FBXW7: variants seen among roughly 807,000 people sequenced by gnomAD.
The protein encoded by FBXW7 is F-box/WD repeat-containing protein 7.
In FBXW7, 11 loss-of-function variants were observed where a neutral mutation model predicts 86.3. The ratio of observed to expected loss-of-function variants is 0.13; its 90% confidence interval spans 0.08 to 0.21. The LOEUF is 0.21. FBXW7 is among the 10% of genes least tolerant of loss of function. The probability of loss-of-function intolerance (pLI) is 1.00; values close to 1 mark genes in which losing one functional copy is unlikely to be tolerated. For synonymous variants in FBXW7, 313 were observed against 297.9 expected (o/e 1.05, Z -0.52); for missense variants, 488 against 847.4 (o/e 0.58, Z 5.27).
intron 4 of FBXW7, among the ~76,000 whole-genome samples, chr4:152,400,343 A>G (rs1359911571): frequency 3.3e-5 from 5 of 152,182 alleles, no homozygotes; most frequent in Non-Finnish European, 7.4e-5. Flanking sequence ...AGAAGATAAC[A>G]TAAGAGAAAA....
At chr4:152,407,422 T>C (rs906686551) in intron 4 of FBXW7, among the ~76,000 whole-genome samples, 4 of 152,170 alleles carry the variant, frequency 2.6e-5, no homozygotes, top group African/African-American at 9.7e-5. Context: ...CAAACAGACT[T>C]TGAACTTAAG....
intron 2 of FBXW7, among the ~76,000 whole-genome samples, chr4:152,475,117 T>C (rs1744278945): frequency 6.7e-6 from 1 of 148,972 alleles, no homozygotes; most frequent in Non-Finnish European, 1.5e-5. Flanking sequence ...TAAATATATG[T>C]ATATTTATTT....
chr4:152,517,025 T>C (rs1214683990), intron 2 of FBXW7, among the ~76,000 whole-genome samples: 1 of 152,176 alleles, frequency 6.6e-6, no homozygotes, highest in Non-Finnish European at 1.5e-5. Context: ...GGTTTCGCCA[T>C]GTTGTCCAGC....
chr4:152,426,854 T>C lies in FBXW7; in HGVS notation c.-119-14325A>G, dbSNP rs186882712. ...GGAGTGAAATAAAAACCGCACAGAA[T>C]AGAGACGAAGGAAAGAGAAGGGCCA... is the stretch of plus-strand genomic sequence containing the variant. On this transcript the variant is annotated intron_variant, in intron 2 of 13. Transcript: ENST00000281708. Among the ~76,000 whole-genome samples, 16 of 152,184 alleles carry C rather than the reference T, an allele frequency of 1.1e-4. No homozygotes were observed. The East Asian group carries it at 3.1e-3, about 29-fold the overall frequency.
At chr4:152,520,883 C>T (rs1748951657) in intron 2 of FBXW7, among the ~76,000 whole-genome samples, 1 of 152,180 alleles carries the variant, frequency 6.6e-6, no homozygotes, top group Non-Finnish European at 1.5e-5. Context: ...GAAAAAAGTT[C>T]ACATGAAAAT....
chr4:152,352,829 A>T, intron 4 of FBXW7: 1 of 1,538,540 alleles, frequency 6.5e-7, no homozygotes, highest in Non-Finnish European at 8.7e-7. Flanking sequence ...CCTTGACTGA[A>T]CAGATTCCTC....
rs1475767263 is a variant in FBXW7, at chr4:152,325,924, A to G, written c.1644+82T>C. The G allele has an allele frequency of 4.3e-6, 5 of 1,151,038 alleles. No homozygotes were observed. In the African/African-American group the frequency reaches 4.6e-5, roughly 11 times the overall value. 71.3% of individuals were successfully genotyped at this position (1,151,038 alleles called of 1,614,324 possible). A position where few individuals can be genotyped will look rare whatever the true frequency, so the allele number is the denominator to read the frequency against. On this transcript the variant is annotated intron_variant, in intron 12 of 13. Transcript: ENST00000281708. ...AATCTTTTTTGGACTGTACTGGATC[A>G]GCAATTTGACAGTGATTATCTGAGT...
chr4:152,446,484 T>A (rs538625669), intron 2 of FBXW7, among the ~76,000 whole-genome samples: 1 of 152,184 alleles, frequency 6.6e-6, no homozygotes, highest in Non-Finnish European at 1.5e-5. Flanking sequence ...TAATGGACAT[T>A]TTAAGAGCAT....
intron 2 of FBXW7, among the ~76,000 whole-genome samples, chr4:152,472,240 A>C (rs1263427606): frequency 2.0e-5 from 3 of 152,214 alleles, no homozygotes; most frequent in Admixed American, 6.5e-5. Flanking sequence ...AACTGTTCGG[A>C]AGTGTCTACT....
At chr4:152,509,522 C>G (rs1284016163) in intron 2 of FBXW7, among the ~76,000 whole-genome samples, 2 of 151,966 alleles carry the variant, frequency 1.3e-5, no homozygotes, top group Non-Finnish European at 2.9e-5. Context: ...ACAAGAAAAA[C>G]AACATGTTTT....
At chr4:152,532,284 A>T (rs1166912472) in intron 2 of FBXW7, among the ~76,000 whole-genome samples, 9 of 151,984 alleles carry the variant, frequency 5.9e-5, no homozygotes, top group Admixed American at 5.9e-4. Context: ...CTTCTTTTTC[A>T]CTCCTCCTTC....
chr4:152,526,543 T>C (rs1196528768), intron 2 of FBXW7, among the ~76,000 whole-genome samples: 2 of 152,168 alleles, frequency 1.3e-5, no homozygotes, highest in East Asian at 3.8e-4. Context: ...TAAAATTAAG[T>C]AGTTAAAATA....
At chr4:152,342,714 G>A (rs1366612307) in intron 6 of FBXW7, among the ~76,000 whole-genome samples, 2 of 152,154 alleles carry the variant, frequency 1.3e-5, no homozygotes, top group African/African-American at 4.8e-5. Context: ...ATTCTACTGT[G>A]GACCAGTTCT....
chr4:152,419,123 G>A (rs550513734), intron 2 of FBXW7, among the ~76,000 whole-genome samples: 16 of 152,000 alleles, frequency 1.1e-4, no homozygotes, highest in African/African-American at 3.6e-4. Flanking sequence ...TTGGCTTATG[G>A]TTTTAGCAGC....
At chr4:152,462,611 G>A (rs1335729515) in intron 2 of FBXW7, among the ~76,000 whole-genome samples, 1 of 152,220 alleles carries the variant, frequency 6.6e-6, no homozygotes, top group Admixed American at 6.5e-5. Flanking sequence ...AGGCAAGAAA[G>A]CCACAAACAT....
rs573315131 is a variant in FBXW7 at position 152,362,360 on chromosome 4, T to C, written c.502-12236A>G. Reference sequence around the variant, plus strand: ...CTAAATCTACCCAAAAGAATATCAATTCAAAGCTAGCAAAAGGATGCTGAA... The same window carrying C: ...CTAAATCTACCCAAAAGAATATCAACTCAAAGCTAGCAAAAGGATGCTGAA... On this transcript the variant is annotated intron_variant, in intron 4 of 13. Transcript: ENST00000281708. 5.3e-5 allele frequency among the ~76,000 whole-genome samples: 8 copies of C among 152,274 alleles called. No homozygotes were observed. In the South Asian group the frequency reaches 1.5e-3, roughly 28 times the overall value.
At chr4:152,505,248 T>A (rs1747304164) in intron 2 of FBXW7, among the ~76,000 whole-genome samples, 1 of 152,126 alleles carries the variant, frequency 6.6e-6, no homozygotes, top group African/African-American at 2.4e-5. Context: ...TCTAGATGAG[T>A]CAGTTGGGGT....
chr4:152,373,166 A>C (rs988051429), intron 4 of FBXW7, among the ~76,000 whole-genome samples: 66 of 152,022 alleles, frequency 4.3e-4, no homozygotes, highest in African/African-American at 1.5e-3. Context: ...TGTCCTAGCT[A>C]CATTACTTAC....
At chr4:152,459,662 C>T (rs1742761885) in intron 2 of FBXW7, among the ~76,000 whole-genome samples, 1 of 152,164 alleles carries the variant, frequency 6.6e-6, no homozygotes, top group Non-Finnish European at 1.5e-5. Flanking sequence ...ATGCTTGAAA[C>T]CACAGATAGA....
Sources: gnomAD v4.1 joint callset for allele counts (sites outside exome capture counted in the v4.1 genomes callset) on GRCh38, gnomAD v4.1.1 for gene constraint, MANE v1.5 for transcripts, NCBI Gene and HGNC (gene_info 2026-07-23, HGNC 2026-07-21) for gene names.